MGAT5: variants seen among roughly 807,000 people sequenced by gnomAD.
MGAT5 encodes the protein alpha-1,6-mannosylglycoprotein 6-beta-N-acetylglucosaminyltransferase A.
A neutral mutation model predicts 94.3 loss-of-function variants in MGAT5; 30 were observed. The ratio of observed to expected loss-of-function variants is 0.32; its 90% CI spans 0.24 to 0.43. The LOEUF (loss-of-function observed/expected upper bound fraction) is 0.43. Among genes scored for constraint, MGAT5 ranks in the 20% least tolerant of loss-of-function variants. MGAT5 has a pLI of 1.00. For missense variants in MGAT5, 691 were observed against 905.5 expected (o/e 0.76, Z 3.04); for synonymous variants, 310 against 322.9 (o/e 0.96, Z 0.43).
intron 1 of MGAT5, among the ~76,000 whole-genome samples, chr2:134,168,090 T>C (rs901513111): frequency 6.6e-6 from 1 of 152,216 alleles, no homozygotes; most frequent in African/African-American, 2.4e-5. Context: ...GAACTGCCTG[T>C]TTATAATCCT....
intron 10 of MGAT5, among the ~76,000 whole-genome samples, chr2:134,395,084 C>T (rs1231280669): frequency 6.6e-6 from 1 of 152,180 alleles, no homozygotes; most frequent in Non-Finnish European, 1.5e-5. Context: ...AACCTACCAG[C>T]CTGTTTTCTG....
intron 1 of MGAT5, among the ~76,000 whole-genome samples, chr2:134,190,297 G>A (rs1415481900): frequency 6.6e-6 from 1 of 152,162 alleles, no homozygotes; most frequent in African/African-American, 2.4e-5. Context: ...TTAGTGAACA[G>A]TCACCTGATT....
In MGAT5 at chr2:134,259,322, G is replaced by A. The variant is rs1344127928; in HGVS notation, c.241+4678G>A. Reference sequence around the variant, plus strand: ...GTGTCATGGATGGTGCCACTCACCCGAGTCAATGCTATTCTTGTTTCTGAG... The same window carrying A: ...GTGTCATGGATGGTGCCACTCACCCAAGTCAATGCTATTCTTGTTTCTGAG... On this transcript the variant is annotated intron_variant, in intron 1 of 15. Transcript: ENST00000281923. Among the ~76,000 whole-genome samples, 4 of 152,190 alleles carry A rather than the reference G, an allele frequency of 2.6e-5. No homozygotes were observed. In the East Asian group the frequency reaches 7.7e-4, roughly 29 times the overall value.
chr2:134,192,943 T>C (rs1018178269), intron 1 of MGAT5, among the ~76,000 whole-genome samples: 2 of 152,062 alleles, frequency 1.3e-5, no homozygotes, highest in East Asian at 3.9e-4. Context: ...TTTTACCATC[T>C]GTAGGGAGTG....
chr2:134,240,270 A>G (rs1483538271), intron 1 of MGAT5, among the ~76,000 whole-genome samples: 1 of 152,116 alleles, frequency 6.6e-6, no homozygotes, highest in Non-Finnish European at 1.5e-5. Flanking sequence ...GGAATTTGGA[A>G]CAGCTGGAGC....
chr2:134,147,680 C>T (rs960022045), intron 1 of MGAT5, among the ~76,000 whole-genome samples: 1 of 151,528 alleles, frequency 6.6e-6, no homozygotes, highest in African/African-American at 2.4e-5. Context: ...GTTTTGTTGT[C>T]CTCTTTCCTT....
At chr2:134,203,597 A>C (rs1679896779) in intron 1 of MGAT5, among the ~76,000 whole-genome samples, 1 of 151,984 alleles carries the variant, frequency 6.6e-6, no homozygotes, top group Non-Finnish European at 1.5e-5. Flanking sequence ...GGAAGAGAGG[A>C]CGGGGCTGAT....
chr2:134,276,167 C>A (rs1684351869), intron 2 of MGAT5, among the ~76,000 whole-genome samples: 1 of 150,496 alleles, frequency 6.6e-6, no homozygotes, highest in Non-Finnish European at 1.5e-5. Flanking sequence ...CCCCCCACCC[C>A]CGCCGCCCGC....
intron 1 of MGAT5, among the ~76,000 whole-genome samples, chr2:134,130,357 G>A (rs773273674): frequency 2.3e-4 from 35 of 152,164 alleles, no homozygotes; most frequent in East Asian, 3.9e-4. Context: ...GCTCTGCTGC[G>A]CCGGGTCCCA....
chr2:134,168,960 G>T (rs1329251126), intron 1 of MGAT5, among the ~76,000 whole-genome samples: 3 of 152,208 alleles, frequency 2.0e-5, no homozygotes, highest in Non-Finnish European at 2.9e-5. Context: ...AGTGCTGAGG[G>T]TCATAAGTGG....
Position 134,293,195 on chromosome 2 carries a change from A to G in MGAT5, c.406+22645A>G, listed in dbSNP as rs183084206. On this transcript the variant is annotated intron_variant, in intron 2 of 15. Transcript: ENST00000281923. ...CATGTATATGATAATAAGCATTACT[A>G]CTCAGTGAATAGAAAATACGAAAAT... Among the ~76,000 whole-genome samples, 18 of 152,298 alleles carry G rather than the reference A, an allele frequency of 1.2e-4. No homozygotes were observed. In the East Asian group the frequency reaches 3.5e-3, roughly 29 times the overall value.
At chr2:134,131,051 C>A (rs1018038191) in intron 1 of MGAT5, among the ~76,000 whole-genome samples, 25 of 152,294 alleles carry the variant, frequency 1.6e-4, no homozygotes, top group African/African-American at 6.0e-4. Flanking sequence ...TGTTCTTTTG[C>A]TCTTTGCAAT....
intron 11 of MGAT5, among the ~76,000 whole-genome samples, chr2:134,403,668 G>T (rs1485632471): frequency 6.6e-6 from 1 of 152,232 alleles, no homozygotes; most frequent in Non-Finnish European, 1.5e-5. Context: ...AAGATGGATG[G>T]AGTGTAGACA....
intron 1 of MGAT5, among the ~76,000 whole-genome samples, chr2:134,228,701 T>G (rs1385062908): frequency 6.6e-6 from 1 of 152,174 alleles, no homozygotes; most frequent in Non-Finnish European, 1.5e-5. Context: ...TCCTCTCTGG[T>G]GACCTTCTTT....
chr2:134,297,703 C>G (rs1305577776), intron 2 of MGAT5, among the ~76,000 whole-genome samples: 1 of 152,096 alleles, frequency 6.6e-6, no homozygotes, highest in Middle Eastern at 3.4e-3. Context: ...TCTCAACAAA[C>G]TAGGAAAAAC....
At chr2:134,311,088 G>A (rs946439178) in intron 2 of MGAT5, among the ~76,000 whole-genome samples, 5 of 152,218 alleles carry the variant, frequency 3.3e-5, no homozygotes, top group African/African-American at 1.2e-4. Context: ...TATCTTTAGA[G>A]TGTCATTGCC....
intron 1 of MGAT5, among the ~76,000 whole-genome samples, chr2:134,148,715 T>A (rs1687035435): frequency 6.6e-6 from 1 of 152,104 alleles, no homozygotes; most frequent in African/African-American, 2.4e-5. Context: ...TAGAGAACTT[T>A]CTGAGCTAGC....
intron 2 of MGAT5, among the ~76,000 whole-genome samples, chr2:134,315,727 G>A (rs972331777): frequency 2.0e-5 from 3 of 152,320 alleles, no homozygotes; most frequent in African/African-American, 7.2e-5. Flanking sequence ...AAATAGAGGC[G>A]GAGTCATTCC....
rs879299589 is a variant in MGAT5, at chr2:134,452,711, G to A, written c.*3864G>A. The A allele has an allele frequency of 6.6e-6, 1 of 152,154 alleles. No individual in the cohort carries two copies. Among genetic ancestry groups the A allele is most frequent in the East Asian group, 1.9e-4 (1 of 5,190 alleles). The allele number at this position is 152,154 out of a possible 1,614,324, so 9.4% of individuals were successfully genotyped here. On this transcript the variant is annotated 3_prime_UTR_variant, in exon 16 of 16. Coordinates refer to ENST00000281923, the MANE Select transcript of MGAT5 (RefSeq NM_002410.5). ...AAAAAGAAAAGTCTATTTTGTTAAC[G>A]ACAGGCTCTGTTGTATGTGTTACTA...
Sources: allele counts gnomAD v4.1 joint callset (sites outside exome capture counted in the v4.1 genomes callset), GRCh38; gene constraint gnomAD v4.1.1; transcripts MANE v1.5; gene names NCBI Gene and HGNC (gene_info 2026-07-23, HGNC 2026-07-21).